MTM1: variants seen among roughly 807,000 people sequenced by gnomAD.
MTM1 encodes myotubularin.
In MTM1, 9 loss-of-function variants were observed where a neutral mutation model predicts 52.1. The ratio of observed to expected loss-of-function variants is 0.17; its 90% confidence interval spans 0.10 to 0.30. MTM1 has a LOEUF of 0.30. MTM1 is among the 10% of genes least tolerant of loss of function. The pLI, the probability that MTM1 is intolerant of heterozygous loss-of-function variation, is 1.00. For synonymous variants in MTM1, 136 were observed against 163.8 expected (o/e 0.83, Z 1.29); for missense variants, 277 against 470.7 (o/e 0.59, Z 3.81).
At chrX:150,606,428 AG>A (rs1160317664) in intron 4 of MTM1, among the ~76,000 whole-genome samples, 2 of 111,905 alleles carry the variant, frequency 1.8e-5, no homozygotes, top group Non-Finnish European at 3.8e-5. Flanking sequence ...TTCCACTACA[AG>A]TTCAGGCTTT....
In MTM1 at chrX:150,645,834, A is replaced by G. The variant is rs782238572; in HGVS notation, c.830A>G (p.Tyr277Cys). Reference sequence around the variant, plus strand: ...AAACAAATTTCTAAACTCACCATTTATGATGCAAGACCCAGCGTAAATGCA... The same window carrying G: ...AAACAAATTTCTAAACTCACCATTTGTGATGCAAGACCCAGCGTAAATGCA... ...TNKQISKLTI[Y>C]DARPSVNAVA... The change falls in exon 9 of 15, where the codon TAT becomes TGT. Residue 277 changes from tyrosine (Y) to cysteine (C), a missense_variant. Tyr to Cys is a radical substitution (Grantham distance 194). Around this residue, in one of 4 missense-constraint regions of MTM1, gnomAD observed 164 missense variants for 283.3 expected, o/e 0.58. Coordinates refer to ENST00000370396, the MANE Select transcript of MTM1 (RefSeq NM_000252.3). The G allele has an allele frequency of 6.6e-6, 8 of 1,211,431 alleles. No individual in the cohort carries two copies. Among genetic ancestry groups the G allele is most frequent in the Non-Finnish European group, 8.9e-6 (8 of 895,106 alleles).
chrX:150,656,560 C>T lies in MTM1; in HGVS notation c.1054-1261C>T, dbSNP rs782290109. Among the ~76,000 whole-genome samples, 136 of 112,134 alleles carry T rather than the reference C, an allele frequency of 1.2e-3. 3 individuals carry two copies. The South Asian group carries it at 0.048, about 40-fold the overall frequency. The stretch of plus-strand genomic sequence containing the variant: ...TTATGACAGCCCTAGCACACTATCG[C>T]AATCACATCCATGAAAATAAGTTTG... On this transcript the variant is annotated intron_variant, in intron 10 of 14. Transcript: ENST00000370396.
At chrX:150,587,437 G>A (rs1341848557) in intron 1 of MTM1, among the ~76,000 whole-genome samples, 2 of 111,626 alleles carry the variant, frequency 1.8e-5, no homozygotes, top group Admixed American at 9.5e-5. Flanking sequence ...CCCTTTACAC[G>A]GAAAATTTGT....
At chrX:150,670,455 C>T (rs222418) in intron 14 of MTM1, among the ~76,000 whole-genome samples, 15,809 of 111,816 alleles carry the variant, frequency 0.14, 1,046 homozygotes, top group African/African-American at 0.25. Context: ...ATACCCAAGG[C>T]GGAGCATTGC....
intron 4 of MTM1, among the ~76,000 whole-genome samples, chrX:150,612,583 TCAGCTACTCC>T (rs2039303376): frequency 9.2e-6 from 1 of 108,505 alleles, no homozygotes; most frequent in African/African-American, 3.4e-5. Context: ...ATCTGTGGTC[TCAGCTACTCC>T]CAGCTACTCA....
In MTM1 at chrX:150,662,348, A is replaced by T. The variant is rs781972704; in HGVS notation, c.1468-1085A>T. Among the ~76,000 whole-genome samples, 4 of 111,718 alleles carry T rather than the reference A, an allele frequency of 3.6e-5. No homozygotes were observed. In the South Asian group the frequency reaches 1.5e-3, roughly 42 times the overall value. The stretch of plus-strand genomic sequence containing the variant: ...TTCTTTTATTTTTCTTTTGAGATGG[A>T]GTTTCGCTCTTGTCACCCAGGCTGG... On this transcript the variant is annotated intron_variant, in intron 13 of 14. Coordinates refer to ENST00000370396, the MANE Select transcript of MTM1 (RefSeq NM_000252.3).
intron 1 of MTM1, among the ~76,000 whole-genome samples, chrX:150,583,552 ATTT>A (rs2038679171): frequency 4.2e-5 from 1 of 23,850 alleles, no homozygotes; most frequent in South Asian, 4.9e-3. Flanking sequence ...ATTATACATA[ATTT>A]ATATATAATA....
intron 14 of MTM1, among the ~76,000 whole-genome samples, chrX:150,670,188 T>G (rs1273643060): frequency 8.9e-6 from 1 of 112,464 alleles, no homozygotes; most frequent in African/African-American, 3.2e-5. Flanking sequence ...TTGCACTGTG[T>G]GTGGTTTATA....
chrX:150,642,595 G>T (rs2039866221), intron 8 of MTM1, among the ~76,000 whole-genome samples: 1 of 111,658 alleles, frequency 9.0e-6, no homozygotes, highest in Admixed American at 9.5e-5. Context: ...CAGTCTTCCT[G>T]TGCTCTGTTT....
chrX:150,660,168 C>T (rs973179221), intron 12 of MTM1, among the ~76,000 whole-genome samples: 50 of 111,744 alleles, frequency 4.5e-4, no homozygotes, highest in African/African-American at 1.6e-3. Flanking sequence ...CTCTTTATTG[C>T]TTTATTTAAC....
intron 4 of MTM1, among the ~76,000 whole-genome samples, chrX:150,600,340 T>C (rs1460295589): frequency 1.8e-5 from 2 of 112,360 alleles, no homozygotes; most frequent in African/African-American, 6.5e-5. Flanking sequence ...ACTCAGTTGT[T>C]ATCAGTAAAG....
intron 2 of MTM1, among the ~76,000 whole-genome samples, chrX:150,594,823 C>A (rs931766037): frequency 1.2e-4 from 13 of 111,476 alleles, no homozygotes; most frequent in African/African-American, 3.3e-4. Context: ...CTGAGTATTG[C>A]ATTTGCTCGT....
intron 1 of MTM1, among the ~76,000 whole-genome samples, chrX:150,572,637 C>T (rs1454558589): frequency 1.8e-5 from 2 of 112,585 alleles, no homozygotes; most frequent in African/African-American, 6.5e-5. Context: ...GCCTGCCTCT[C>T]CCAAGTGTCT....
At chrX:150,572,490 T>A (rs1429787742) in intron 1 of MTM1, among the ~76,000 whole-genome samples, 5 of 112,029 alleles carry the variant, frequency 4.5e-5, no homozygotes, top group African/African-American at 1.6e-4. Context: ...CAGGTATTTA[T>A]ATTGCCTCTT....
chrX:150,634,366 C>T (rs952338058), intron 6 of MTM1, among the ~76,000 whole-genome samples: 1 of 111,806 alleles, frequency 8.9e-6, no homozygotes, highest in Admixed American at 9.5e-5. Flanking sequence ...ATATAGGTGC[C>T]ATTTAAAAAT....
intron 2 of MTM1, 113 bp from the exon 3 acceptor site, chrX:150,596,385 C>T: frequency 1.6e-6 from 1 of 619,647 alleles, no homozygotes; most frequent in South Asian, 2.5e-5. Flanking sequence ...AATGCTAAAT[C>T]TCTAATGCTT....
At chrX:150,594,016 A>G (rs903510285) in intron 2 of MTM1, among the ~76,000 whole-genome samples, 3 of 111,019 alleles carry the variant, frequency 2.7e-5, no homozygotes, top group Non-Finnish European at 5.7e-5. Context: ...TCTCTTGTGA[A>G]GTGATTGTTC....
chrX:150,600,184 C>T (rs2039045665), intron 4 of MTM1, among the ~76,000 whole-genome samples: 1 of 111,339 alleles, frequency 9.0e-6, no homozygotes, highest in Non-Finnish European at 1.9e-5. Flanking sequence ...TGCAGAGGAG[C>T]ACATAGAAGA....
At chrX:150,585,835 T>C (rs2038776912) in intron 1 of MTM1, among the ~76,000 whole-genome samples, 1 of 112,323 alleles carries the variant, frequency 8.9e-6, no homozygotes, top group African/African-American at 3.2e-5. Flanking sequence ...TTACTTACCA[T>C]ATCACTTTCA....
Sources: allele counts gnomAD v4.1 joint callset (sites outside exome capture counted in the v4.1 genomes callset), GRCh38; gene constraint gnomAD v4.1.1; regional missense constraint gnomAD v4.1.1; transcripts MANE v1.5; gene names NCBI Gene and HGNC (gene_info 2026-07-23, HGNC 2026-07-21).